Variants in CPEB1 observed in about 807,000 individuals in gnomAD.
CPEB1 encodes the protein cytoplasmic polyadenylation element binding protein 1, also known as cytoplasmic polyadenylation element-binding protein 1.
Under a neutral mutation model 65.8 loss-of-function variants are expected in CPEB1, and 7 were observed. That is an observed-to-expected ratio of 0.11 (90% CI 0.06 to 0.20). The LOEUF is 0.20. CPEB1 is among the 10% of genes least tolerant of loss of function. CPEB1 has a pLI of 1.00. For synonymous variants in CPEB1, 262 were observed against 260.0 expected, an observed-to-expected ratio of 1.01 and a Z score of -0.08; for missense variants, 551 against 712.2, an observed-to-expected ratio of 0.77 and a Z score of 2.58.
intron 3 of CPEB1, among the ~76,000 whole-genome samples, chr15:82,612,987 G>A (rs763381284): frequency 8.6e-5 from 13 of 151,490 alleles, no homozygotes; most frequent in Non-Finnish European, 1.8e-4. Context: ...AAAATTTAAG[G>A]AAGACTATTA....
intron 1 of CPEB1, among the ~76,000 whole-genome samples, chr15:82,632,737 C>T (rs1425929339): frequency 6.6e-6 from 1 of 151,720 alleles, no homozygotes; most frequent in Non-Finnish European, 1.5e-5. Flanking sequence ...CTATGTTGTC[C>T]AGGCTGGTCT....
At chr15:82,570,295 G>A (rs963803725) in intron 4 of CPEB1, among the ~76,000 whole-genome samples, 5 of 152,066 alleles carry the variant, frequency 3.3e-5, no homozygotes, top group South Asian at 2.1e-4. Context: ...CATGGCTGCC[G>A]GTTCCTGGAC....
intron 3 of CPEB1, among the ~76,000 whole-genome samples, chr15:82,608,765 T>TTTTAG (rs1488464285): frequency 6.6e-6 from 1 of 151,904 alleles, no homozygotes; most frequent in Non-Finnish European, 1.5e-5. Flanking sequence ...TGATCATTGA[T>TTTTAG]TTTATTTTCA....
chr15:82,548,563 G>C (rs1033728793), intron 10 of CPEB1: 2 of 338,224 alleles, frequency 5.9e-6, no homozygotes, highest in Non-Finnish European at 1.2e-5. Flanking sequence ...GTAGAGCATA[G>C]GTTAAGGTTA....
intron 3 of CPEB1, among the ~76,000 whole-genome samples, chr15:82,619,660 CA>C (rs2045110933): frequency 6.6e-6 from 1 of 151,862 alleles, no homozygotes; most frequent in Admixed American, 6.6e-5. Flanking sequence ...AAAGGATATC[CA>C]AAGGCCAGTA....
chr15:82,594,442 T>C (rs2042520331), intron 3 of CPEB1, among the ~76,000 whole-genome samples: 2 of 152,216 alleles, frequency 1.3e-5, no homozygotes, highest in East Asian at 3.8e-4. Flanking sequence ...TTGTGCAGCT[T>C]CCTCACCTCT....
intron 3 of CPEB1, among the ~76,000 whole-genome samples, chr15:82,579,956 A>G (rs1226950517): frequency 8.5e-6 from 1 of 117,994 alleles, no homozygotes; most frequent in Non-Finnish European, 1.8e-5. Context: ...AAAAAAAAAA[A>G]AGACTCTCAA....
At chr15:82,547,893 G>A (rs1007409451) in intron 10 of CPEB1, among the ~76,000 whole-genome samples, 1 of 151,770 alleles carries the variant, frequency 6.6e-6, no homozygotes, top group African/African-American at 2.4e-5. Context: ...GGCTGGTCTT[G>A]AACTCCTGGA....
intron 3 of CPEB1, among the ~76,000 whole-genome samples, chr15:82,624,519 CTAAGAGGCTGA>C (rs1167157798): frequency 6.6e-6 from 1 of 152,118 alleles, no homozygotes; most frequent in Non-Finnish European, 1.5e-5. Flanking sequence ...TTAGAATGTT[CTAAGAGGCTGA>C]GAAGGAGCTG....
In CPEB1 at chr15:82,543,767, A is replaced by G. The variant is rs991015905; in HGVS notation, c.*825T>C. 3 of 152,336 alleles carry G rather than the reference A, an allele frequency of 2.0e-5. No homozygotes were observed. The highest frequency in any genetic ancestry group is 4.4e-5 in the Non-Finnish European group (3 of 68,006). 9.4% of individuals were successfully genotyped at this position (152,336 alleles called of 1,614,324 possible). Reference sequence around the variant, plus strand: ...GGTGCAATAAACCATTTAAAACTATATACAGCAGCCGCTCAAACACCGTTT... The same window carrying G: ...GGTGCAATAAACCATTTAAAACTATGTACAGCAGCCGCTCAAACACCGTTT... On this transcript the variant is annotated 3_prime_UTR_variant, in exon 13 of 13. Coordinates refer to ENST00000684509, the MANE Select transcript of CPEB1 (RefSeq NM_001365242.1).
At chr15:82,612,723 A>G (rs1460176944) in intron 3 of CPEB1, among the ~76,000 whole-genome samples, 1 of 151,822 alleles carries the variant, frequency 6.6e-6, no homozygotes, top group Non-Finnish European at 1.5e-5. Flanking sequence ...AATCCCAGCT[A>G]CTCAGGAGGC....
chr15:82,646,617 G>A (rs1261222656), intron 1 of CPEB1, among the ~76,000 whole-genome samples: 1 of 152,166 alleles, frequency 6.6e-6, no homozygotes. Context: ...ATAAGCGCGC[G>A]CCCACGAAAG....
chr15:82,582,873 G>A (rs923219656), intron 3 of CPEB1, among the ~76,000 whole-genome samples: 1 of 151,174 alleles, frequency 6.6e-6, no homozygotes. Context: ...TCCCTGAGTA[G>A]CTCGGACAAC....
At chr15:82,579,900 C>T in intron 3 of CPEB1, among the ~76,000 whole-genome samples, 1 of 106,666 alleles carries the variant, frequency 9.4e-6, no homozygotes, top group Non-Finnish European at 1.7e-5. Flanking sequence ...GCCTGGGCGA[C>T]AGAGTGAGAC....
chr15:82,582,584 T>C (rs1299228413), intron 3 of CPEB1, among the ~76,000 whole-genome samples: 1 of 152,070 alleles, frequency 6.6e-6, no homozygotes, highest in Non-Finnish European at 1.5e-5. Context: ...CCCTGACCTC[T>C]CTCCCACAAT....
chr15:82,580,210 G>T (rs942518426), intron 3 of CPEB1, among the ~76,000 whole-genome samples: 1 of 151,000 alleles, frequency 6.6e-6, no homozygotes, highest in Non-Finnish European at 1.5e-5. Context: ...AGTCCCAGTT[G>T]CTCGAGAGGC....
At chr15:82,641,602 C>T (rs1292432244) in intron 1 of CPEB1, 1 of 152,114 alleles carries the variant, frequency 6.6e-6, no homozygotes, top group East Asian at 1.9e-4. Context: ...CAACCAAGAC[C>T]CGTTTTTAGC....
At chr15:82,644,197 G>T (rs1042498531) in intron 1 of CPEB1, among the ~76,000 whole-genome samples, 1 of 152,176 alleles carries the variant, frequency 6.6e-6, no homozygotes, top group South Asian at 2.1e-4. Flanking sequence ...GACCCACACT[G>T]ACTTCTACAG....
chr15:82,633,876 T>C (rs1434656268), intron 1 of CPEB1, among the ~76,000 whole-genome samples: 1 of 152,126 alleles, frequency 6.6e-6, no homozygotes. Context: ...AATCATTGTT[T>C]TGAAAAGCAG....
Sources: allele counts gnomAD v4.1 joint callset (sites outside exome capture counted in the v4.1 genomes callset), GRCh38; gene constraint gnomAD v4.1.1; transcripts MANE v1.5; gene names NCBI Gene and HGNC (gene_info 2026-07-23, HGNC 2026-07-21).